The following PVT1 variants were observed in gnomAD, a reference collection of about 807,000 sequenced individuals.
PVT1 encodes the protein CXCR4/PVT1 fusion.
intron 2 of PVT1, among the ~76,000 whole-genome samples, chr8:127,874,731 ATCT>A (rs1027486499): frequency 4.6e-5 from 7 of 152,104 alleles, no homozygotes; most frequent in Non-Finnish European, 1.0e-4. Flanking sequence ...TTGTTGTGTG[ATCT>A]TCTTCTTCCC....
intron 2 of PVT1, among the ~76,000 whole-genome samples, chr8:127,863,264 A>G (rs1586411783): frequency 6.6e-6 from 1 of 152,028 alleles, no homozygotes; most frequent in African/African-American, 2.4e-5. Context: ...GGTGTCCGCC[A>G]CTGCGCCAGC....
At chr8:127,811,109 C>T (rs1814589805) in intron 2 of PVT1, among the ~76,000 whole-genome samples, 1 of 152,096 alleles carries the variant, frequency 6.6e-6, no homozygotes, top group East Asian at 1.9e-4. Flanking sequence ...TAGATGTTAT[C>T]AGAGAGATAC....
intron 5 of PVT1, among the ~76,000 whole-genome samples, chr8:128,080,361 A>G (rs1814160890): frequency 6.6e-6 from 1 of 152,230 alleles, no homozygotes; most frequent in Non-Finnish European, 1.5e-5. Flanking sequence ...ACCAACAATG[A>G]GAGTCCCTGT....
At chr8:128,020,062 A>G (rs1319245929) in intron 4 of PVT1, among the ~76,000 whole-genome samples, 1 of 47,950 alleles carries the variant, frequency 2.1e-5, no homozygotes, top group Non-Finnish European at 3.9e-5. Flanking sequence ...GAGGCTGGGT[A>G]AAGTCCTTCT....
intron 2 of PVT1, among the ~76,000 whole-genome samples, chr8:127,842,239 T>C (rs946832533): frequency 6.8e-6 from 1 of 146,332 alleles, no homozygotes; most frequent in East Asian, 2.0e-4. Context: ...CTTTGCTCTT[T>C]TGTGGAACTG....
At chr8:127,901,267 T>A (rs1815755041) in intron 3 of PVT1, among the ~76,000 whole-genome samples, 1 of 152,130 alleles carries the variant, frequency 6.6e-6, no homozygotes, top group African/African-American at 2.4e-5. Context: ...AGGGGCTGGC[T>A]GGAGTCTGGC....
intron 3 of PVT1, chr8:127,947,366 G>A (rs1292318599): frequency 3.9e-6 from 1 of 257,502 alleles, no homozygotes; most frequent in African/African-American, 2.2e-5. Context: ...GCTCAAAGGT[G>A]GATCGAGAGA....
chr8:128,002,968 T>TCTGCCTCCCTCCCTCCCTCTTCCTTC (rs1554603599), intron 4 of PVT1, among the ~76,000 whole-genome samples: 4 of 84,676 alleles, frequency 4.7e-5, no homozygotes, highest in African/African-American at 1.9e-4. Flanking sequence ...CCTCCCTCCC[T>TCTGCCTCCCTCCCTCCCTCTTCCTTC]CTTCCTTCCT....
intron 3 of PVT1, among the ~76,000 whole-genome samples, chr8:127,981,591 ATAACT>A (rs1309282302): frequency 6.6e-6 from 1 of 152,240 alleles, no homozygotes; most frequent in East Asian, 1.9e-4. Context: ...GGCTGACTTA[ATAACT>A]TAACACCTCT....
intron 3 of PVT1, among the ~76,000 whole-genome samples, chr8:127,912,213 G>A (rs1456373775): frequency 6.6e-6 from 1 of 152,230 alleles, no homozygotes; most frequent in Admixed American, 6.5e-5. Context: ...AGTTTAGGAA[G>A]AGGGATTGTT....
At chr8:127,884,186 A>G (rs1815499785) in intron 2 of PVT1, among the ~76,000 whole-genome samples, 1 of 152,198 alleles carries the variant, frequency 6.6e-6, no homozygotes, top group Non-Finnish European at 1.5e-5. Context: ...CTGACTTCTA[A>G]CCACACAGAT....
At chr8:127,806,257 T>C (rs879740424) in intron 2 of PVT1, among the ~76,000 whole-genome samples, 18 of 152,138 alleles carry the variant, frequency 1.2e-4, no homozygotes, top group Non-Finnish European at 2.2e-4. Context: ...GGTCAGGCGT[T>C]CGAGACCATC....
chr8:128,033,126 C>T (rs1007538458), intron 4 of PVT1, among the ~76,000 whole-genome samples: 15 of 152,244 alleles, frequency 9.9e-5, no homozygotes, highest in African/African-American at 3.6e-4. Context: ...TTACTTAAAA[C>T]TATTTGCATT....
chr8:127,961,020 G>A lies in PVT1; in HGVS notation n.783-28142G>A, dbSNP rs1016007862. ...TAATCACAGCCAAGGTGCCTGCCTG[G>A]GGACACAGGGTGCCATAGGCACACA... On this transcript the variant is annotated intron_variant and non_coding_transcript_variant, in intron 3 of 10. Transcript: ENST00000651587. Among the ~76,000 whole-genome samples the A allele has an allele frequency of 2.0e-5, 3 of 151,982 alleles. No individual in the cohort carries two copies. In the East Asian group the frequency reaches 5.8e-4, roughly 29 times the overall value.
chr8:128,078,862 T>C (rs1373590467), intron 5 of PVT1, among the ~76,000 whole-genome samples: 2 of 152,188 alleles, frequency 1.3e-5, no homozygotes, highest in African/African-American at 4.8e-5. Context: ...CATGGCTCAC[T>C]GCAGCCTCGA....
At chr8:127,824,347 C>T (rs1311017930) in intron 2 of PVT1, among the ~76,000 whole-genome samples, 1 of 152,154 alleles carries the variant, frequency 6.6e-6, no homozygotes, top group Admixed American at 6.5e-5. Flanking sequence ...CCTTGGGGCC[C>T]CTTCAGCCCC....
intron 3 of PVT1, among the ~76,000 whole-genome samples, chr8:127,918,187 A>G (rs1028852885): frequency 1.3e-5 from 2 of 152,174 alleles, no homozygotes; most frequent in Non-Finnish European, 2.9e-5. Flanking sequence ...GTGGTGAAAT[A>G]TAGAGGAAAT....
intron 2 of PVT1, among the ~76,000 whole-genome samples, chr8:127,847,528 A>G (rs1815049541): frequency 6.6e-6 from 1 of 152,224 alleles, no homozygotes; most frequent in African/African-American, 2.4e-5. Context: ...AACAGTGCCC[A>G]AGGTTATTCA....
chr8:128,002,474 C>T (rs1817192007), intron 4 of PVT1, among the ~76,000 whole-genome samples: 1 of 152,230 alleles, frequency 6.6e-6, no homozygotes, highest in South Asian at 2.1e-4. Context: ...AATGTATTCT[C>T]TCATAGTTGT....
Sources: gnomAD v4.1 joint callset for allele counts (sites outside exome capture counted in the v4.1 genomes callset) on GRCh38, gnomAD v4.1.1 for gene constraint, MANE v1.5 for transcripts, NCBI Gene and HGNC (gene_info 2026-07-23, HGNC 2026-07-21) for gene names.